The following EEA1 variants were observed in gnomAD, a reference collection of about 807,000 sequenced individuals.
EEA1 encodes early endosome antigen 1, also known as early endosome antigen 1, 162kD.
In EEA1, 111 loss-of-function variants were observed where a neutral mutation model predicts 209.2. The observed-to-expected ratio is 0.53, with a 90% CI of 0.45 to 0.62. The LOEUF (loss-of-function observed/expected upper bound fraction) is 0.62. Ranked by LOEUF, EEA1 falls within the 20% of genes least tolerant of loss-of-function variation. The probability of loss-of-function intolerance (pLI) is 0.00; values close to 1 mark genes in which losing one functional copy is unlikely to be tolerated. For synonymous variants in EEA1, 536 were observed against 540.6 expected (o/e 0.99, Z 0.12); for missense variants, 1,343 against 1,530.8 (o/e 0.88, Z 2.05).
intron 18 of EEA1, among the ~76,000 whole-genome samples, chr12:92,805,039 A>G (rs891362891): frequency 1.3e-5 from 2 of 152,206 alleles, no homozygotes; most frequent in Admixed American, 1.3e-4. Context: ...ATTAGAACAT[A>G]GAATGAAAAT....
At chr12:92,883,494 T>G (rs1465163776) in intron 2 of EEA1, among the ~76,000 whole-genome samples, 3 of 152,174 alleles carry the variant, frequency 2.0e-5, no homozygotes, top group Non-Finnish European at 2.9e-5. Flanking sequence ...GACACTAATG[T>G]CCAGAATGAT....
At chr12:92,897,802 C>T (rs945723652) in intron 1 of EEA1, among the ~76,000 whole-genome samples, 1 of 152,162 alleles carries the variant, frequency 6.6e-6, no homozygotes, top group African/African-American at 2.4e-5. Flanking sequence ...GATGACAGAG[C>T]GAGACTCTGT....
chr12:92,868,860 C>T (rs1878511524), intron 2 of EEA1, among the ~76,000 whole-genome samples: 2 of 152,116 alleles, frequency 1.3e-5, no homozygotes, highest in South Asian at 4.2e-4. Flanking sequence ...AAGATGTCTT[C>T]TACCCTATTA....
rs187081418 is a variant in EEA1 at position 92,902,287 on chromosome 12, T to C, written c.25-10566A>G. Among the ~76,000 whole-genome samples the C allele has an allele frequency of 1.3e-3, 199 of 152,220 alleles. 3 individuals are homozygous for C. Among genetic ancestry groups the C allele is most frequent in the Admixed American group, 4.0e-3 (61 of 15,278 alleles). On this transcript the variant is annotated intron_variant, in intron 1 of 28. Transcript: ENST00000322349. ...AAAAATAAAATGGAAACATAGAGTA[T>C]CCAGGATTCTGGAACCTAAAACAGG...
chr12:92,927,841 T>C (rs559466364), intron 1 of EEA1, among the ~76,000 whole-genome samples: 1 of 152,256 alleles, frequency 6.6e-6, no homozygotes, highest in African/African-American at 2.4e-5. Context: ...CACTGCAAAA[T>C]ACAATTAAAT....
Position 92,773,588 on chromosome 12 carries a change from T to G in EEA1, c.*2423A>C, listed in dbSNP as rs1873520863. 6.6e-6 allele frequency: 1 copy of G among 151,676 alleles called. No homozygotes were observed. Among genetic ancestry groups the G allele is most frequent in the Non-Finnish European group, 1.5e-5 (1 of 67,612 alleles). 9.4% of individuals were successfully genotyped at this position (151,676 alleles called of 1,614,324 possible). On this transcript the variant is annotated 3_prime_UTR_variant, in exon 29 of 29. Transcript: ENST00000322349. ...TTTTAACTCACATTCTGTGCCGGGG[T>G]TTGGAATTTACTAACATTATGTCAA... is the stretch of plus-strand genomic sequence containing the variant.
At chr12:92,846,484 A>C (rs1427071338) in intron 9 of EEA1, among the ~76,000 whole-genome samples, 1 of 152,202 alleles carries the variant, frequency 6.6e-6, no homozygotes, top group African/African-American at 2.4e-5. Context: ...CTACATGAAC[A>C]TTTTAGCACT....
chr12:92,853,021 T>C lies in EEA1; in HGVS notation c.411A>G (p.Leu137=), dbSNP rs759635257. 20 of 1,587,274 alleles carry C rather than the reference T, an allele frequency of 1.3e-5. No homozygotes were observed. The highest frequency in any genetic ancestry group is 1.6e-5 in the Non-Finnish European group (19 of 1,163,532). ...CTTCTAATTGCTGTTCCAAAGACTGTAGTTCTACAAAAAAGTGTCGCAGTT... is the reference window on the plus strand; with the variant it reads ...CTTCTAATTGCTGTTCCAAAGACTGCAGTTCTACAAAAAAGTGTCGCAGTT... The part of the protein sequence containing the change: ...DGLVTDSSAE[L]QSLEQQLEEA... The change falls in exon 7 of 29, where the codon CTA becomes CTG. Residue 137 remains leucine, a synonymous_variant. Transcript: ENST00000322349.
intron 1 of EEA1, among the ~76,000 whole-genome samples, chr12:92,910,162 A>AAATTTT (rs56013529): frequency 0.93 from 139,843 of 149,620 alleles, 65,397 homozygotes; most frequent in East Asian, 1. Flanking sequence ...TAAATTAATT[A>AAATTTT]AATTTTAATT....
At chr12:92,780,622 T>C (rs1041188793) in intron 23 of EEA1, among the ~76,000 whole-genome samples, 2 of 152,182 alleles carry the variant, frequency 1.3e-5, no homozygotes. Flanking sequence ...TAAATAGTTA[T>C]AGTTAATATT....
At chr12:92,826,346 AT>A (rs1876298683) in intron 12 of EEA1, 61 bp from the exon 13 acceptor site, 1 of 1,460,782 alleles carries the variant, frequency 6.8e-7, no homozygotes, top group Non-Finnish European at 9.5e-7. Context: ...ATTCATAAGT[AT>A]CTGGCATTAC....
chr12:92,851,790 TG>T (rs1877642791), intron 8 of EEA1, among the ~76,000 whole-genome samples: 1 of 152,146 alleles, frequency 6.6e-6, no homozygotes, highest in Non-Finnish European at 1.5e-5. Context: ...TGAGGAAACA[TG>T]ATTACTTTGA....
At chr12:92,896,373 G>C (rs1461914672) in intron 1 of EEA1, among the ~76,000 whole-genome samples, 1 of 152,170 alleles carries the variant, frequency 6.6e-6, no homozygotes, top group Non-Finnish European at 1.5e-5. Context: ...TACTGGAGAA[G>C]ATGCTGTGAA....
chr12:92,804,778 G>T (rs1875114027), intron 18 of EEA1, among the ~76,000 whole-genome samples: 1 of 152,028 alleles, frequency 6.6e-6, no homozygotes, highest in Non-Finnish European at 1.5e-5. Context: ...CCCTCAAAAA[G>T]GGGAGCCCTG....
At chr12:92,784,680 A>G (rs1874050699) in intron 22 of EEA1, among the ~76,000 whole-genome samples, 1 of 152,180 alleles carries the variant, frequency 6.6e-6, no homozygotes, top group African/African-American at 2.4e-5. Context: ...CCTGCCTCTG[A>G]ACTTTCATCT....
intron 1 of EEA1, among the ~76,000 whole-genome samples, chr12:92,926,353 A>G (rs180896169): frequency 3.3e-4 from 51 of 152,320 alleles, no homozygotes; most frequent in African/African-American, 1.2e-3. Context: ...TAAATTAACA[A>G]TAGCTTTAAT....
intron 16 of EEA1, 81 bp from the exon 17 acceptor site, chr12:92,811,515 A>T (rs1875505989): frequency 3.4e-5 from 32 of 944,388 alleles, no homozygotes; most frequent in Admixed American, 1.5e-4. Context: ...AAAATTGAAA[A>T]CTCTAATTTT....
intron 17 of EEA1, 22 bp from the exon 18 acceptor site, chr12:92,809,178 G>C: frequency 6.6e-7 from 1 of 1,519,742 alleles, no homozygotes; most frequent in Non-Finnish European, 8.8e-7. Context: ...ATATGATATG[G>C]CAGCCATTTT....
At chr12:92,882,846 A>G (rs1441326870) in intron 2 of EEA1, among the ~76,000 whole-genome samples, 1 of 152,012 alleles carries the variant, frequency 6.6e-6, no homozygotes, top group Non-Finnish European at 1.5e-5. Flanking sequence ...GTCCGATTCC[A>G]TTTATTTGCT....
Sources: allele counts gnomAD v4.1 joint callset (sites outside exome capture counted in the v4.1 genomes callset), GRCh38; gene constraint gnomAD v4.1.1; transcripts MANE v1.5; gene names NCBI Gene and HGNC (gene_info 2026-07-23, HGNC 2026-07-21).